Variants in ARB2A observed in about 807,000 individuals in gnomAD.
ARB2A encodes the protein ARB2 cotranscriptional regulator A.
chr5:93,871,075 C>T, the ARB2A span, among the ~76,000 whole-genome samples: 5 of 152,294 alleles, frequency 3.3e-5, no homozygotes, highest in South Asian at 4.1e-4. Context: ...CAATCCCATT[C>T]AAGAAAAACA....
chr5:93,728,589 A>C, the ARB2A span, among the ~76,000 whole-genome samples: 1 of 152,078 alleles, frequency 6.6e-6, no homozygotes, highest in African/African-American at 2.4e-5. Flanking sequence ...TCTTGATAAG[A>C]ACAGGCCAGT....
the ARB2A span, among the ~76,000 whole-genome samples, chr5:93,998,126 T>C: frequency 6.6e-6 from 1 of 152,006 alleles, no homozygotes; most frequent in South Asian, 2.1e-4. Flanking sequence ...GACAAATTCA[T>C]GAAGAGGAAT....
chr5:93,927,669 T>C, the ARB2A span, among the ~76,000 whole-genome samples: 1 of 152,146 alleles, frequency 6.6e-6, no homozygotes, highest in Non-Finnish European at 1.5e-5. Context: ...CTCAATTGGT[T>C]CCGAATTTAG....
At chr5:93,965,335 G>A in the ARB2A span, among the ~76,000 whole-genome samples, 1 of 151,900 alleles carries the variant, frequency 6.6e-6, no homozygotes, top group Non-Finnish European at 1.5e-5. Context: ...TGAGACCTCA[G>A]TCCTACAACT....
chr5:93,924,418 G>C, the ARB2A span, among the ~76,000 whole-genome samples: 4,890 of 152,260 alleles, frequency 0.032, 118 homozygotes, highest in Middle Eastern at 0.048. Context: ...AAATGGAAGT[G>C]AATATTCTTA....
At chr5:93,852,753 T>C in the ARB2A span, among the ~76,000 whole-genome samples, 2 of 152,164 alleles carry the variant, frequency 1.3e-5, no homozygotes, top group African/African-American at 4.8e-5. Context: ...TTGTCAAAGA[T>C]CAGATAGTTG....
chr5:93,746,195 G>GA, the ARB2A span, among the ~76,000 whole-genome samples: 7 of 152,070 alleles, frequency 4.6e-5, no homozygotes, highest in African/African-American at 7.2e-5. Context: ...AGGCAATTAA[G>GA]AAAAACTAAT....
chr5:93,865,923 C>T, the ARB2A span: 1 of 985,220 alleles, frequency 1.0e-6, no homozygotes, highest in Non-Finnish European at 1.2e-6. Flanking sequence ...AGGGCTGCCC[C>T]ATAAGGGCAC....
At chr5:94,065,605 A>G in the ARB2A span, among the ~76,000 whole-genome samples, 2 of 152,350 alleles carry the variant, frequency 1.3e-5, no homozygotes, top group South Asian at 4.1e-4. Context: ...GCAGAATTTA[A>G]GTCAAAAGCA....
chr5:93,984,918 G>A, the ARB2A span, among the ~76,000 whole-genome samples: 50 of 152,212 alleles, frequency 3.3e-4, no homozygotes, highest in Non-Finnish European at 6.6e-4. Context: ...ATTTAAAAAT[G>A]AAAACAATAT....
the ARB2A span, among the ~76,000 whole-genome samples, chr5:93,874,505 T>C: frequency 6.6e-6 from 1 of 152,188 alleles, no homozygotes; most frequent in African/African-American, 2.4e-5. Flanking sequence ...AAGCTCAGTA[T>C]GCCCTTTCCC....
chr5:93,886,878 T>G, the ARB2A span, among the ~76,000 whole-genome samples: 3 of 151,776 alleles, frequency 2.0e-5, no homozygotes, highest in African/African-American at 7.2e-5. Context: ...CTTCATGAAA[T>G]CTAATGCTGT....
At chr5:93,960,935 A>G in the ARB2A span, among the ~76,000 whole-genome samples, 1 of 152,192 alleles carries the variant, frequency 6.6e-6, no homozygotes, top group Non-Finnish European at 1.5e-5. Context: ...ACACAGAAAG[A>G]TAAGTGGATG....
the ARB2A span, among the ~76,000 whole-genome samples, chr5:93,943,640 T>G: frequency 6.6e-6 from 1 of 152,148 alleles, no homozygotes; most frequent in African/African-American, 2.4e-5. Flanking sequence ...TGTCACCAAG[T>G]TTGTCAAATA....
the ARB2A span, among the ~76,000 whole-genome samples, chr5:93,624,313 G>A: frequency 1.3e-5 from 2 of 152,130 alleles, no homozygotes; most frequent in South Asian, 2.1e-4. Flanking sequence ...TGGTTTTATG[G>A]TTAAGGTCTA....
chr5:93,777,490 T>C, the ARB2A span, among the ~76,000 whole-genome samples: 23 of 152,222 alleles, frequency 1.5e-4, no homozygotes, highest in East Asian at 4.4e-3. Context: ...GAAGTCTGGC[T>C]AAAAATATGT....
At chr5:93,979,968 G>A in the ARB2A span, among the ~76,000 whole-genome samples, 5 of 151,818 alleles carry the variant, frequency 3.3e-5, no homozygotes, top group Admixed American at 3.3e-4. Context: ...TCTTTTTAAC[G>A]CATCTTACCT....
chr5:93,856,752 T>C, the ARB2A span, among the ~76,000 whole-genome samples: 1 of 152,088 alleles, frequency 6.6e-6, no homozygotes, highest in Non-Finnish European at 1.5e-5. Context: ...TCGTAGTAGT[T>C]TGATCATCTG....
chr5:94,048,809 T>C, the ARB2A span, among the ~76,000 whole-genome samples: 1 of 152,182 alleles, frequency 6.6e-6, no homozygotes, highest in African/African-American at 2.4e-5. Context: ...CCCATTGCCT[T>C]GGAGGGAGAT....
Sources: gnomAD v4.1 joint callset for allele counts (sites outside exome capture counted in the v4.1 genomes callset) on GRCh38, gnomAD v4.1.1 for gene constraint, MANE v1.5 for transcripts, NCBI Gene and HGNC (gene_info 2026-07-23, HGNC 2026-07-21) for gene names.